The following UPP2 variants were observed in gnomAD, a reference collection of about 807,000 sequenced individuals.
The protein encoded by UPP2 is UPase 2.
UPP2 carries 23 observed loss-of-function variants against 26.7 expected under a neutral mutation model. That is an observed-to-expected ratio of 0.86 (90% CI 0.62 to 1.22). UPP2 has a LOEUF of 1.22. UPP2 is among the 50% of genes most tolerant of loss of function. UPP2 has a pLI of 0.00. For synonymous variants in UPP2, 127 were observed against 141.3 expected, an observed-to-expected ratio of 0.90 and a Z score of 0.72; for missense variants, 387 against 396.7, an observed-to-expected ratio of 0.98 and a Z score of 0.21.
At chr2:157,997,088 G>A (rs971306414) in intron 2 of UPP2, among the ~76,000 whole-genome samples, 8 of 152,108 alleles carry the variant, frequency 5.3e-5, no homozygotes, top group Admixed American at 1.3e-4. Flanking sequence ...TTTCTCAAAC[G>A]TTTCTTTGGA....
In UPP2 at chr2:158,106,128, A is replaced by T; in HGVS notation, c.92A>T (p.Tyr31Phe). ...AGGTTTGTTCACGTTAAAAATCCTT[A>T]CTTGGATTTGATGGATGAAGACATT... ...GKRFVHVKNP[Y>F]LDLMDEDILY... Residue 31 changes from tyrosine (Y) to phenylalanine (F), a missense_variant, in exon 2 of 7, where the codon TAC becomes TTC. Tyr to Phe is a conservative substitution (Grantham distance 22). Coordinates refer to ENST00000005756, the MANE Select transcript of UPP2 (RefSeq NM_173355.4). 6.2e-7 allele frequency: 1 copy of T among 1,602,812 alleles called. No individual in the cohort carries two copies. Among genetic ancestry groups the T allele is most frequent in the Non-Finnish European group, 8.5e-7 (1 of 1,176,278 alleles).
At chr2:158,015,664 G>A (rs1426196541) in intron 2 of UPP2, 1 of 401,598 alleles carries the variant, frequency 2.5e-6, no homozygotes, top group Non-Finnish European at 5.0e-6. Context: ...GGCCTGGCGG[G>A]AGGTGACTGA....
chr2:158,090,501 AAAAAAACCC>A lies in UPP2; in HGVS notation c.148-11522_148-11514del, dbSNP rs556432210. Among the ~76,000 whole-genome samples, 521 of 151,924 alleles carry A rather than the reference AAAAAAACCC, an allele frequency of 3.4e-3. 6 individuals carry two copies. Among genetic ancestry groups the A allele is most frequent in the African/African-American group, 0.012 (486 of 41,200 alleles). ...GGGCGGCAGAGTGAGACTCCGTCTC[AAAAAAACCC>A]AAAAAACCCAAAAAACAAACAAACA... On this transcript the variant is annotated intron_variant, in intron 3 of 9. Coordinates refer to the UPP2 transcript ENST00000605860.
chr2:158,118,743 G>A (rs932161263), intron 4 of UPP2, among the ~76,000 whole-genome samples: 8 of 151,976 alleles, frequency 5.3e-5, no homozygotes, highest in African/African-American at 1.9e-4. Context: ...CTGAGATTTG[G>A]GAAGAGAAAT....
chr2:158,110,044 G>A (rs1683280208), intron 2 of UPP2, among the ~76,000 whole-genome samples: 2 of 152,158 alleles, frequency 1.3e-5, no homozygotes, highest in South Asian at 4.1e-4. Context: ...TAGGGTACAT[G>A]TGCACAACCT....
chr2:158,085,232 T>A (rs952188200), intron 3 of UPP2, among the ~76,000 whole-genome samples: 3 of 152,146 alleles, frequency 2.0e-5, no homozygotes, highest in African/African-American at 7.2e-5. Flanking sequence ...TATTCCTAAG[T>A]ATTACATTAT....
intron 3 of UPP2, among the ~76,000 whole-genome samples, chr2:158,058,017 G>T (rs1261108207): frequency 2.0e-5 from 3 of 152,148 alleles, no homozygotes; most frequent in Middle Eastern, 6.3e-3. Flanking sequence ...AAGGGCCTGG[G>T]CGCAGTGGCT....
intron 3 of UPP2, among the ~76,000 whole-genome samples, 181 bp from the exon 4 acceptor site, chr2:158,117,643 T>G (rs10176046): frequency 0.46 from 69,771 of 151,598 alleles, 17,406 homozygotes; most frequent in Non-Finnish European, 0.54. Flanking sequence ...GATGGACACA[T>G]CTGTCAGCAT....
chr2:158,072,109 A>G (rs1247374650), intron 3 of UPP2, among the ~76,000 whole-genome samples: 1 of 152,070 alleles, frequency 6.6e-6, no homozygotes, highest in Admixed American at 6.5e-5. Flanking sequence ...GCCCTGAAGT[A>G]TGAGTCACAG....
intron 3 of UPP2, among the ~76,000 whole-genome samples, chr2:158,066,885 T>C (rs1188351506): frequency 6.6e-6 from 1 of 152,208 alleles, no homozygotes; most frequent in Non-Finnish European, 1.5e-5. Flanking sequence ...CTTTGTCTTG[T>C]GCAGAGCATG....
chr2:158,051,455 T>G (rs1682156128), intron 3 of UPP2, among the ~76,000 whole-genome samples: 1 of 152,086 alleles, frequency 6.6e-6, no homozygotes, highest in South Asian at 2.1e-4. Flanking sequence ...ATGACTAAAA[T>G]GAATGAACAA....
intron 3 of UPP2, among the ~76,000 whole-genome samples, chr2:158,022,493 C>T (rs1443284685): frequency 6.7e-6 from 1 of 150,160 alleles, no homozygotes; most frequent in African/African-American, 2.5e-5. Flanking sequence ...TAAAGCTGTA[C>T]TGGAACTTAC....
intron 6 of UPP2, among the ~76,000 whole-genome samples, chr2:158,124,463 C>G (rs982340665): frequency 6.6e-6 from 1 of 152,116 alleles, no homozygotes; most frequent in Non-Finnish European, 1.5e-5. Flanking sequence ...ACTGTGAGAA[C>G]AATGACTTTC....
upstream of UPP2, chr2:158,101,749 G>C (rs6710054): frequency 0.039 from 31,781 of 806,932 alleles, 2,136 homozygotes; most frequent in African/African-American, 0.25. Context: ...TAGTTAACAA[G>C]CTAACCAACC....
At chr2:158,072,919 A>G (rs542948499) in intron 3 of UPP2, among the ~76,000 whole-genome samples, 2 of 152,262 alleles carry the variant, frequency 1.3e-5, no homozygotes, top group Admixed American at 1.3e-4. Flanking sequence ...TTCAATGCCC[A>G]GGCACTGATG....
chr2:158,040,473 G>T (rs1304910048), intron 3 of UPP2, among the ~76,000 whole-genome samples: 3 of 152,174 alleles, frequency 2.0e-5, no homozygotes, highest in Non-Finnish European at 4.4e-5. Context: ...AAATGTGCTG[G>T]ATAAATTTAG....
intron 3 of UPP2, among the ~76,000 whole-genome samples, chr2:158,017,906 C>T (rs1237340920): frequency 6.6e-6 from 1 of 152,132 alleles, no homozygotes; most frequent in African/African-American, 2.4e-5. Context: ...AGCTTATATA[C>T]TTTGAAAATA....
At chr2:158,130,466 A>AAC (rs1553471688) in intron 6 of UPP2, among the ~76,000 whole-genome samples, 3 of 24,260 alleles carry the variant, frequency 1.2e-4, no homozygotes, top group African/African-American at 4.2e-4. Flanking sequence ...AAAAAACAAA[A>AAC]AAAAAAAACC....
intron 6 of UPP2, among the ~76,000 whole-genome samples, chr2:158,129,614 C>A (rs1297815369): frequency 6.6e-6 from 1 of 151,078 alleles, no homozygotes; most frequent in Non-Finnish European, 1.5e-5. Flanking sequence ...GTAATATATT[C>A]ATCTATCGAA....
Sources: allele counts gnomAD v4.1 joint callset (sites outside exome capture counted in the v4.1 genomes callset), GRCh38; gene constraint gnomAD v4.1.1; transcripts MANE v1.5; gene names NCBI Gene and HGNC (gene_info 2026-07-23, HGNC 2026-07-21).